VPS41: variants seen among roughly 807,000 people sequenced by gnomAD.
The protein encoded by VPS41 is VPS41 subunit of HOPS complex.
Under a neutral mutation model 130.9 loss-of-function variants are expected in VPS41, and 85 were observed. The observed-to-expected ratio is 0.65, with a 90% CI of 0.55 to 0.78. The LOEUF is 0.78. Among genes scored for constraint, VPS41 ranks in the 30% least tolerant of loss-of-function variants. The pLI is 0.00. For missense variants in VPS41, 874 were observed against 1,018.7 expected (o/e 0.86, Z 1.93); for synonymous variants, 335 against 332.9 (o/e 1.01, Z -0.07).
At chr7:38,874,314 C>A (rs1363553141) in intron 2 of VPS41, among the ~76,000 whole-genome samples, 2 of 152,240 alleles carry the variant, frequency 1.3e-5, no homozygotes, top group African/African-American at 4.8e-5. Flanking sequence ...CCTCTGGATA[C>A]CATTTCTTTA....
At chr7:38,793,479 C>T (rs1480503435) in intron 9 of VPS41, among the ~76,000 whole-genome samples, 1 of 152,116 alleles carries the variant, frequency 6.6e-6, no homozygotes, top group Non-Finnish European at 1.5e-5. Flanking sequence ...AGAAAAGGAA[C>T]CTCCAATAAA....
chr7:38,872,788 AAC>A (rs1345463734), intron 2 of VPS41, among the ~76,000 whole-genome samples: 1 of 152,240 alleles, frequency 6.6e-6, no homozygotes, highest in African/African-American at 2.4e-5. Flanking sequence ...TGCAAAAAAC[AAC>A]AGACACTTCT....
In VPS41 at chr7:38,859,562, G is replaced by A. The variant is rs1786057347; in HGVS notation, c.246+2983C>T. ...AAATACTTGCCATTGTGTTCCAATTGCCTATGGTATTCAGGACAATAATAT... is the reference window on the plus strand; with the variant it reads ...AAATACTTGCCATTGTGTTCCAATTACCTATGGTATTCAGGACAATAATAT... On this transcript the variant is annotated intron_variant, in intron 4 of 28. Transcript: ENST00000310301. Among the ~76,000 whole-genome samples the A allele has an allele frequency of 2.0e-5, 3 of 152,072 alleles. No homozygotes were observed. In the South Asian group the frequency reaches 6.2e-4, roughly 32 times the overall value.
chr7:38,908,223 A>C (rs186200903), intron 1 of VPS41, among the ~76,000 whole-genome samples: 1 of 152,204 alleles, frequency 6.6e-6, no homozygotes, highest in African/African-American at 2.4e-5. Flanking sequence ...TAACTTGTGA[A>C]GAAAAACAGT....
In VPS41 at chr7:38,723,165, G is replaced by C. The variant is rs1433234965; in HGVS notation, c.*3081C>G. The C allele has an allele frequency of 6.6e-6, 1 of 152,118 alleles. No homozygotes were observed. Among genetic ancestry groups the C allele is most frequent in the African/African-American group, 2.4e-5 (1 of 41,392 alleles). 9.4% of individuals were successfully genotyped at this position (152,118 alleles called of 1,614,324 possible). On this transcript the variant is annotated 3_prime_UTR_variant, in exon 29 of 29. Transcript: ENST00000310301. ...AGAAGGAGGAGGAAGGGGAGGGCCT[G>C]GTCTTGCCGTCTCAAGGGTGGCAGA...
chr7:38,813,420 A>G (rs2116077575), intron 7 of VPS41, among the ~76,000 whole-genome samples: 1 of 152,230 alleles, frequency 6.6e-6, no homozygotes, highest in South Asian at 2.1e-4. Context: ...TTTTGGGGTG[A>G]CGGAAGTGTT....
At chr7:38,764,848 T>C (rs1784000984) in intron 16 of VPS41, among the ~76,000 whole-genome samples, 1 of 151,764 alleles carries the variant, frequency 6.6e-6, no homozygotes, top group Non-Finnish European at 1.5e-5. Flanking sequence ...TCACATGATA[T>C]TCAAAAAAAA....
intron 4 of VPS41, among the ~76,000 whole-genome samples, chr7:38,857,688 C>T (rs1786016095): frequency 6.6e-6 from 1 of 152,084 alleles, no homozygotes; most frequent in African/African-American, 2.4e-5. Flanking sequence ...GACTAAAAAG[C>T]CAAATTGTAA....
chr7:38,742,339 A>C lies in VPS41; in HGVS notation c.2123-218T>G, dbSNP rs377035475. Reference sequence around the variant, plus strand: ...AACGCTCCTTAAGACATGAAGGAGAAAGTAAATAAGAACTGTTTTAAAACA... The same window carrying C: ...AACGCTCCTTAAGACATGAAGGAGACAGTAAATAAGAACTGTTTTAAAACA... On this transcript the variant is annotated intron_variant, in intron 24 of 28. Coordinates refer to ENST00000310301, the MANE Select transcript of VPS41 (RefSeq NM_014396.4). Among the ~76,000 whole-genome samples, 4 of 152,336 alleles carry C rather than the reference A, an allele frequency of 2.6e-5. 1 individual carries two copies. The highest frequency in any genetic ancestry group is 1.9e-4 in the East Asian group (1 of 5,182).
At chr7:38,885,994 G>C (rs371258462) in intron 2 of VPS41, among the ~76,000 whole-genome samples, 1 of 152,114 alleles carries the variant, frequency 6.6e-6, no homozygotes, top group South Asian at 2.1e-4. Flanking sequence ...CTCTGAATGA[G>C]AGAGAGAAAA....
chr7:38,829,208 T>C (rs1284721916), intron 5 of VPS41, among the ~76,000 whole-genome samples: 1 of 152,228 alleles, frequency 6.6e-6, no homozygotes, highest in African/African-American at 2.4e-5. Context: ...TGAAAAGCAC[T>C]AGTGTTCCAA....
intron 4 of VPS41, among the ~76,000 whole-genome samples, chr7:38,831,804 A>G (rs1386391414): frequency 6.6e-6 from 1 of 152,254 alleles, no homozygotes; most frequent in Admixed American, 6.5e-5. Flanking sequence ...CTAAAGCCAC[A>G]GTGCTACTAA....
At chr7:38,742,229 A>T (rs958585625) in intron 24 of VPS41, 108 bp from the exon 25 acceptor site, 3 of 1,064,688 alleles carry the variant, frequency 2.8e-6, no homozygotes, top group Admixed American at 3.2e-5. Context: ...TAACTCAAAG[A>T]AAAAATTATT....
chr7:38,879,377 G>A (rs1423140894), intron 2 of VPS41, among the ~76,000 whole-genome samples: 3 of 152,154 alleles, frequency 2.0e-5, no homozygotes, highest in Non-Finnish European at 4.4e-5. Context: ...AACAAGTAGA[G>A]ATGCTTGTTA....
chr7:38,788,734 CT>C (rs1298393509), intron 10 of VPS41, among the ~76,000 whole-genome samples: 1 of 152,012 alleles, frequency 6.6e-6, no homozygotes, highest in Non-Finnish European at 1.5e-5. Flanking sequence ...CTTCATATAC[CT>C]ACTGTCCATA....
chr7:38,789,839 C>T lies in VPS41; in HGVS notation c.746G>A (p.Ser249Asn), dbSNP rs750161914. 4 of 1,613,798 alleles carry T rather than the reference C, an allele frequency of 2.5e-6. No individual in the cohort carries two copies. The highest frequency in any genetic ancestry group is 3.4e-6 in the Non-Finnish European group (4 of 1,179,740). Residue 249 changes from serine to asparagine, a missense_variant, in exon 10 of 29, where the codon AGT becomes AAT. Transcript: ENST00000310301. ...KVCSVKERHA[S>N]EMRDLPSRYV... ...TCGACTTGGCAAATCCCTCATTTCA[C>T]TGGCATGCCGTTCCTTCACTGAGCA...
chr7:38,765,600 T>C lies in VPS41; in HGVS notation c.1309A>G (p.Lys437Glu), dbSNP rs752207580. 2.5e-6 allele frequency: 4 copies of C among 1,600,040 alleles called. No individual in the cohort carries two copies. In the South Asian group the frequency reaches 3.5e-5, roughly 14 times the overall value. The change falls in exon 16 of 29, where the codon AAA becomes GAA. Residue 437 changes from lysine to glutamate, a missense_variant. Lys to Glu is a moderately conservative substitution (Grantham distance 56, BLOSUM62 1). Coordinates refer to ENST00000310301, the MANE Select transcript of VPS41 (RefSeq NM_014396.4). ...CTTACCTTAAGCTGTCCAATTTCTT[T>C]AAATTTATAAACTTCATATTCCCAG... ...ALWEYEVYKF[K>E]EIGQLKAISP...
At chr7:38,796,960 A>G (rs942000103) in intron 7 of VPS41, 96 bp from the exon 8 acceptor site, 7 of 1,426,224 alleles carry the variant, frequency 4.9e-6, no homozygotes, top group Middle Eastern at 1.8e-4. Context: ...TGACCAAATA[A>G]CAAACAAGTC....
chr7:38,827,076 C>G (rs994317747), intron 5 of VPS41, among the ~76,000 whole-genome samples: 2 of 152,096 alleles, frequency 1.3e-5, no homozygotes, highest in South Asian at 4.1e-4. Flanking sequence ...CTTCGGCCTC[C>G]CAAAGTGCTG....
Sources: gnomAD v4.1 joint callset for allele counts (sites outside exome capture counted in the v4.1 genomes callset) on GRCh38, gnomAD v4.1.1 for gene constraint, MANE v1.5 for transcripts, NCBI Gene and HGNC (gene_info 2026-07-23, HGNC 2026-07-21) for gene names.